Variants in CARF observed in about 807,000 individuals in gnomAD.
CARF encodes calcium responsive transcription factor, also known as calcium-responsive transcription factor.
In CARF, 57 loss-of-function variants were observed where a neutral mutation model predicts 82.0. The observed-to-expected ratio is 0.70, with a 90% CI of 0.56 to 0.87. CARF has a LOEUF of 0.87. CARF is among the 40% of genes least tolerant of loss of function. The probability of loss-of-function intolerance (pLI) is 0.00; values close to 1 mark genes in which losing one functional copy is unlikely to be tolerated. For missense variants in CARF, 771 were observed against 855.8 expected (o/e 0.90, Z 1.24); for synonymous variants, 268 against 290.1 (o/e 0.92, Z 0.77).
chr2:202,981,676 A>T lies in CARF; in HGVS notation c.1680A>T (p.Thr560=), dbSNP rs767491631. 1.2e-6 allele frequency: 2 copies of T among 1,611,454 alleles called. No homozygotes were observed. The highest frequency in any genetic ancestry group is 2.2e-5 in the South Asian group (2 of 90,430). The change falls in exon 15 of 17, where the codon ACA becomes ACT. Residue 560 remains threonine (T), a synonymous_variant. Transcript: ENST00000438828. The part of the protein sequence containing the change: ...SLSSFQPKIF[T]QLQGLQLQPR... ...CCTCATTTCAGCCCAAAATATTTACACAACTACAGGTAGGTATCCAGTAAA... is the reference window on the plus strand; with the variant it reads ...CCTCATTTCAGCCCAAAATATTTACTCAACTACAGGTAGGTATCCAGTAAA...
chr2:202,961,089 T>G, intron 8 of CARF, 148 bp from the exon 9 acceptor site: 1 of 624,606 alleles, frequency 1.6e-6, no homozygotes, highest in Non-Finnish European at 2.7e-6. Context: ...TCAGACCCAC[T>G]GATTGTAATA....
chr2:202,972,784 T>A (rs1448166401), intron 12 of CARF, among the ~76,000 whole-genome samples: 1 of 152,038 alleles, frequency 6.6e-6, no homozygotes, highest in Non-Finnish European at 1.5e-5. Flanking sequence ...CTCTTACTGA[T>A]TATTGTGTAA....
At chr2:202,916,972 A>G (rs959073222) in intron 1 of CARF, among the ~76,000 whole-genome samples, 5 of 152,126 alleles carry the variant, frequency 3.3e-5, no homozygotes, top group African/African-American at 1.2e-4. Context: ...GCACTTTGGG[A>G]GGCCGAGGCG....
chr2:202,930,951 A>G (rs1235196434), intron 3 of CARF, among the ~76,000 whole-genome samples: 2 of 134,980 alleles, frequency 1.5e-5, no homozygotes, highest in Non-Finnish European at 1.6e-5. Flanking sequence ...TCTCTTCCTT[A>G]TGACTTTTTT....
rs2060391311 is a variant in CARF, at chr2:202,985,091, C to T, written c.*1467C>T. 1 of 151,138 alleles carries T rather than the reference C, an allele frequency of 6.6e-6. No homozygotes were observed. Among genetic ancestry groups the T allele is most frequent in the African/African-American group, 2.4e-5 (1 of 41,224 alleles). 9.4% of individuals were successfully genotyped at this position (151,138 alleles called of 1,614,324 possible). On this transcript the variant is annotated 3_prime_UTR_variant, in exon 17 of 17. Transcript: ENST00000438828. ...AAAAAGATTGGTAAACTAGAAATAT[C>T]AACTATAATTGTCAGGAAATTAACC...
At chr2:202,937,167 G>A (rs1694079128) in intron 3 of CARF, among the ~76,000 whole-genome samples, 1 of 151,978 alleles carries the variant, frequency 6.6e-6, no homozygotes. Context: ...TTCCCTCTGA[G>A]CACTGCTTTT....
intron 13 of CARF, among the ~76,000 whole-genome samples, chr2:202,975,067 G>A (rs1367313150): frequency 6.6e-6 from 1 of 151,224 alleles, no homozygotes; most frequent in Non-Finnish European, 1.5e-5. Flanking sequence ...TCCCAGCACT[G>A]TGGGAGGCCG....
intron 11 of CARF, among the ~76,000 whole-genome samples, chr2:202,970,859 C>CTTT (rs759204879): frequency 7.4e-6 from 1 of 135,484 alleles, no homozygotes; most frequent in South Asian, 2.4e-4. Context: ...GTCTACTTTT[C>CTTT]TTTTTTTTTT....
intron 3 of CARF, chr2:202,924,742 T>A (rs1159220822): frequency 6.2e-6 from 1 of 161,142 alleles, no homozygotes; most frequent in Non-Finnish European, 1.3e-5. Context: ...TTCTCCTGGA[T>A]GGGCAACAGC....
In CARF at chr2:202,918,295, C is replaced by T. The variant is rs1229007501; in HGVS notation, c.-163+252C>T. ...CAGCACTTTGGGAGGCCGAGGTGGG[C>T]GGATCACAAGGTCGGGAGATTGAGA... On this transcript the variant is annotated intron_variant, in intron 2 of 16. Transcript: ENST00000438828. Among the ~76,000 whole-genome samples the T allele has an allele frequency of 3.3e-5, 5 of 152,062 alleles. No individual in the cohort carries two copies. The South Asian group carries it at 8.3e-4, about 25-fold the overall frequency.
intron 3 of CARF, among the ~76,000 whole-genome samples, chr2:202,932,757 G>A (rs1261820033): frequency 2.6e-5 from 4 of 152,012 alleles, no homozygotes; most frequent in African/African-American, 4.8e-5. Flanking sequence ...CACTCCCTAC[G>A]GAGAAGGGTG....
intron 9 of CARF, among the ~76,000 whole-genome samples, chr2:202,964,454 A>AT (rs1455973589): frequency 6.6e-6 from 1 of 151,808 alleles, no homozygotes; most frequent in African/African-American, 2.4e-5. Flanking sequence ...TAATTTTTGT[A>AT]TTTTTTTGGA....
At chr2:202,978,162 A>G (rs2060109504) in intron 14 of CARF, among the ~76,000 whole-genome samples, 1 of 152,176 alleles carries the variant, frequency 6.6e-6, no homozygotes. Flanking sequence ...CTGAATTTCT[A>G]TAATGAGCAT....
intron 3 of CARF, 99 bp downstream of exon 3, chr2:202,924,514 G>C (rs1325248241): frequency 6.6e-6 from 1 of 152,028 alleles, no homozygotes; most frequent in African/African-American, 2.4e-5. Flanking sequence ...TGATATATTT[G>C]TCAAAAAGCA....
chr2:202,927,528 G>C (rs868090394), intron 3 of CARF, among the ~76,000 whole-genome samples: 14 of 151,950 alleles, frequency 9.2e-5, no homozygotes, highest in Middle Eastern at 3.4e-3. Flanking sequence ...ATAATGTGGG[G>C]TTTTTGGCTT....
chr2:202,939,502 A>G (rs1475363956), intron 3 of CARF, among the ~76,000 whole-genome samples: 2 of 151,806 alleles, frequency 1.3e-5, no homozygotes, highest in Non-Finnish European at 2.9e-5. Flanking sequence ...TCCCTTTTCT[A>G]TTCTTTTGAG....
chr2:202,977,991 G>A (rs959714729), intron 14 of CARF, among the ~76,000 whole-genome samples: 1 of 151,788 alleles, frequency 6.6e-6, no homozygotes, highest in African/African-American at 2.4e-5. Flanking sequence ...GATCACAGGC[G>A]CACGCCACCA....
chr2:202,983,695 C>T lies in CARF; in HGVS notation c.*71C>T. ...TCTTAGAAAGGAAGGTGAATATAGT[C>T]AAAGCGTGGCATTGAGATAATTGGA... On this transcript the variant is annotated 3_prime_UTR_variant, in exon 17 of 17. Coordinates refer to ENST00000438828, the MANE Select transcript of CARF (RefSeq NM_024744.17). The T allele has an allele frequency of 1.1e-6, 1 of 915,668 alleles. No homozygotes were observed. The highest frequency in any genetic ancestry group is 2.2e-5 in the Admixed American group (1 of 46,438). 56.7% of individuals were successfully genotyped at this position (915,668 alleles called of 1,614,324 possible).
rs2060215438 is a variant in CARF, at chr2:202,980,623, T to TATATATAC, written c.1559-925_1559-924insCATATATA. Among the ~76,000 whole-genome samples the TATATATAC allele has an allele frequency of 4.7e-5, 2 of 42,340 alleles. 1 individual carries two copies. Among genetic ancestry groups the TATATATAC allele is most frequent in the Non-Finnish European group, 1.2e-4 (2 of 16,780 alleles). 27.8% of individuals were successfully genotyped at this position (42,340 alleles called of 152,430 possible). On this transcript the variant is annotated intron_variant, in intron 14 of 16. Transcript: ENST00000438828. ...AGATATAGCGTCTTTCAAGTATATA[T>TATATATAC]ATATATATATATATATATATATATA...
Sources: allele counts gnomAD v4.1 joint callset (sites outside exome capture counted in the v4.1 genomes callset), GRCh38; gene constraint gnomAD v4.1.1; transcripts MANE v1.5; gene names NCBI Gene and HGNC (gene_info 2026-07-23, HGNC 2026-07-21).